Variants in NEBL observed in about 807,000 individuals in gnomAD.
The protein encoded by NEBL is nebulette.
In NEBL, 122 loss-of-function variants were observed where a neutral mutation model predicts 140.2. The ratio of observed to expected loss-of-function variants is 0.87; its 90% CI spans 0.75 to 1.01. The LOEUF is 1.01. NEBL is among the 50% of genes least tolerant of loss of function. The probability of loss-of-function intolerance (pLI) is 0.00; values close to 1 mark genes in which losing one functional copy is unlikely to be tolerated. For missense variants in NEBL, 1,365 were observed against 1,231.3 expected (o/e 1.11, Z -1.62); for synonymous variants, 436 against 398.9 (o/e 1.09, Z -1.11).
At chr10:21,019,886 A>T (rs905698991) in intron 3 of NEBL, among the ~76,000 whole-genome samples, 1 of 152,228 alleles carries the variant, frequency 6.6e-6, no homozygotes, top group Non-Finnish European at 1.5e-5. Flanking sequence ...GAACTCATTT[A>T]CTTGCCCTAG....
At chr10:21,085,142 G>A (rs1030988908) in intron 2 of NEBL, among the ~76,000 whole-genome samples, 1 of 152,058 alleles carries the variant, frequency 6.6e-6, no homozygotes, top group South Asian at 2.1e-4. Flanking sequence ...TTCTAAACTC[G>A]CTTGATTTTC....
intron 3 of NEBL, among the ~76,000 whole-genome samples, chr10:20,976,796 G>A (rs1004190771): frequency 2.0e-5 from 3 of 151,856 alleles, no homozygotes; most frequent in South Asian, 2.1e-4. Context: ...GGGAGGCAGG[G>A]GTTGAAAAAC....
In NEBL at chr10:20,859,830, T is replaced by C; in HGVS notation, c.685-4A>G. ...CAAATTTTTCTTTGTATTTAATCTG[T>C]CATAAAAGAGAAATAGTACATGTAA... On this transcript the variant is annotated splice_polypyrimidine_tract_variant and splice_region_variant and intron_variant, in intron 7 of 27. Coordinates refer to ENST00000377122, the MANE Select transcript of NEBL (RefSeq NM_006393.3). The C allele has an allele frequency of 7.4e-7, 1 of 1,351,346 alleles. No homozygotes were observed. The highest frequency in any genetic ancestry group is 1.1e-6 in the Non-Finnish European group (1 of 945,544). The allele number at this position is 1,351,346 out of a possible 1,614,324, so 83.7% of individuals were successfully genotyped here. A position where few individuals can be genotyped will look rare whatever the true frequency, so the allele number is the denominator to read the frequency against.
intron 2 of NEBL, among the ~76,000 whole-genome samples, chr10:21,020,932 C>A (rs914529771): frequency 3.9e-5 from 6 of 152,152 alleles, no homozygotes; most frequent in Non-Finnish European, 7.3e-5. Context: ...CTGACTACTC[C>A]GAAGTCTGAG....
intron 4 of NEBL, among the ~76,000 whole-genome samples, chr10:20,932,840 C>T (rs1834262150): frequency 6.6e-6 from 1 of 152,228 alleles, no homozygotes; most frequent in Non-Finnish European, 1.5e-5. Context: ...CAATCCCTAA[C>T]TTTGGGGACT....
chr10:20,933,527 A>T (rs906890928), intron 4 of NEBL, among the ~76,000 whole-genome samples: 2 of 152,164 alleles, frequency 1.3e-5, no homozygotes, highest in African/African-American at 4.8e-5. Context: ...TGAGGCCAGG[A>T]GTTCAAGACC....
At chr10:21,142,778 C>A (rs977799821) in intron 2 of NEBL, among the ~76,000 whole-genome samples, 1 of 151,992 alleles carries the variant, frequency 6.6e-6, no homozygotes, top group Non-Finnish European at 1.5e-5. Context: ...ATGAACTGCG[C>A]GTGTGAGGGA....
At chr10:21,174,146 G>T in exon 1 of NEBL, 1 of 563,694 alleles carries the variant, frequency 1.8e-6, no homozygotes, top group South Asian at 7.4e-5. Flanking sequence ...CCCGCCCCTC[G>T]CGCTCACTCG....
At chr10:21,117,559 A>G (rs563486683) in intron 2 of NEBL, among the ~76,000 whole-genome samples, 7 of 152,304 alleles carry the variant, frequency 4.6e-5, no homozygotes, top group Non-Finnish European at 8.8e-5. Flanking sequence ...AGCAAGCTGC[A>G]ACAATCTCGT....
chr10:21,185,602 G>A (rs1405649785), intron 3 of NEBL, among the ~76,000 whole-genome samples: 1 of 136,758 alleles, frequency 7.3e-6, no homozygotes, highest in African/African-American at 2.8e-5. Context: ...AGGTTCAAGT[G>A]ATTCTCCTGC....
intron 6 of NEBL, among the ~76,000 whole-genome samples, chr10:20,869,491 C>T (rs1844691393): frequency 6.6e-6 from 1 of 152,056 alleles, no homozygotes; most frequent in Non-Finnish European, 1.5e-5. Flanking sequence ...TCAATTTATA[C>T]CTAAATAGTA....
intron 2 of NEBL, among the ~76,000 whole-genome samples, chr10:21,092,448 T>C (rs1055117601): frequency 6.6e-6 from 1 of 152,174 alleles, no homozygotes; most frequent in Admixed American, 6.5e-5. Flanking sequence ...GATGATTTAT[T>C]CCGATATCAC....
chr10:20,785,509 C>A lies in NEBL; in HGVS notation c.*238G>T, dbSNP rs1588585228. 1.8e-6 allele frequency: 1 copy of A among 553,716 alleles called. No homozygotes were observed. 34.3% of individuals were successfully genotyped at this position (553,716 alleles called of 1,614,324 possible). ...AGCCAATCAAAGGAAACCATGAACA[C>A]AATTAGCAGCACCAGGTGTCCAGAC... On this transcript the variant is annotated 3_prime_UTR_variant, in exon 28 of 28. Transcript: ENST00000377122.
Position 21,004,137 on chromosome 10 carries a change from C to G in NEBL, c.249+15980G>C, listed in dbSNP as rs144650437. On this transcript the variant is annotated intron_variant, in intron 3 of 6. Transcript: ENST00000417816. ...GCATCAGATTGTTGATTTTTTTAAA[C>G]CATTCTAGCCTTTAACTGACCTACA... Among the ~76,000 whole-genome samples the G allele has an allele frequency of 2.3e-3, 351 of 152,156 alleles. 1 individual carries two copies. Among genetic ancestry groups the G allele is most frequent in the African/African-American group, 7.6e-3 (317 of 41,512 alleles).
chr10:20,950,764 C>G (rs1410534446), intron 4 of NEBL, among the ~76,000 whole-genome samples: 1 of 152,100 alleles, frequency 6.6e-6, no homozygotes, highest in African/African-American at 2.4e-5. Flanking sequence ...AATTACACAA[C>G]AAAAATAAAT....
intron 2 of NEBL, chr10:21,029,954 G>A (rs1415305036): frequency 1.1e-5 from 6 of 553,026 alleles, no homozygotes; most frequent in South Asian, 3.7e-5. Flanking sequence ...GATTTCTCTC[G>A]GGATGATTAT....
intron 20 of NEBL, 160 bp downstream of exon 20, chr10:20,819,264 G>A (rs1564352291): frequency 8.3e-7 from 1 of 1,211,646 alleles, no homozygotes; most frequent in Non-Finnish European, 1.2e-6. Flanking sequence ...TCCCCTCTAT[G>A]TGTCCATGTA....
At chr10:20,879,066 G>C (rs138971916) in intron 5 of NEBL, among the ~76,000 whole-genome samples, 1 of 152,104 alleles carries the variant, frequency 6.6e-6, no homozygotes, top group Non-Finnish European at 1.5e-5. Context: ...CTGGAAACTC[G>C]GGATTTCTCT....
At chr10:21,269,424 G>A (rs1842835052) in intron 1 of NEBL, among the ~76,000 whole-genome samples, 1 of 152,196 alleles carries the variant, frequency 6.6e-6, no homozygotes, top group Non-Finnish European at 1.5e-5. Context: ...TGGGCTTCTT[G>A]GGAAATAGTC....
Sources: gnomAD v4.1 joint callset for allele counts (sites outside exome capture counted in the v4.1 genomes callset) on GRCh38, gnomAD v4.1.1 for gene constraint, MANE v1.5 for transcripts, NCBI Gene and HGNC (gene_info 2026-07-23, HGNC 2026-07-21) for gene names.